UACA: variants seen among roughly 807,000 people sequenced by gnomAD.
UACA encodes nuclear membrane binding protein.
UACA carries 112 observed loss-of-function variants against 160.5 expected under a neutral mutation model. That is an observed-to-expected ratio of 0.70 (90% CI 0.60 to 0.82). The LOEUF (loss-of-function observed/expected upper bound fraction) is 0.82, where lower values mean the gene tolerates loss of function less well. Ranked by LOEUF, UACA falls within the 40% of genes least tolerant of loss-of-function variation. The pLI, the probability that UACA is intolerant of heterozygous loss-of-function variation, is 0.00. For synonymous variants in UACA, 557 were observed against 568.4 expected, an observed-to-expected ratio of 0.98 and a Z score of 0.29; for missense variants, 1,574 against 1,614.6, an observed-to-expected ratio of 0.97 and a Z score of 0.43.
chr15:70,728,920 A>G (rs1899231167), intron 1 of UACA, among the ~76,000 whole-genome samples: 1 of 152,256 alleles, frequency 6.6e-6, no homozygotes, highest in Non-Finnish European at 1.5e-5. Context: ...ACAAGTGGCC[A>G]CCAAGCATAT....
intron 1 of UACA, among the ~76,000 whole-genome samples, chr15:70,731,049 TA>T: frequency 2.6e-5 from 1 of 38,962 alleles, no homozygotes; most frequent in Non-Finnish European, 4.4e-5. Flanking sequence ...TGCCAAAATG[TA>T]AAGACCATTG....
At chr15:70,778,623 T>A in the UACA span, among the ~76,000 whole-genome samples, 1 of 152,210 alleles carries the variant, frequency 6.6e-6, no homozygotes. Context: ...CATGTCAAAG[T>A]CCTTAATTTA....
At chr15:70,720,211 C>G (rs1898949111) in intron 1 of UACA, among the ~76,000 whole-genome samples, 1 of 152,186 alleles carries the variant, frequency 6.6e-6, no homozygotes. Context: ...TCTCCAGAAG[C>G]AAATGCCACT....
At position 70,702,150 on chromosome 15, in the gene UACA, G is replaced by A. The variant is rs1898388531; in HGVS notation, c.79-2490C>T. The A allele has an allele frequency of 1.6e-6, 2 of 1,284,096 alleles. 1 individual carries two copies. The allele number at this position is 1,284,096 out of a possible 1,614,324, so 79.5% of individuals were successfully genotyped here. On this transcript the variant is annotated intron_variant, in intron 1 of 18. Coordinates refer to ENST00000322954, the MANE Select transcript of UACA (RefSeq NM_018003.4). ...CTTGCAATGCAGAACTTGATTAAGA[G>A]CAGCCCCAAGTCAGGTACAGTAACT...
chr15:70,699,746 C>T, intron 1 of UACA, 86 bp from the exon 2 acceptor site: 3 of 1,464,110 alleles, frequency 2.0e-6, no homozygotes, highest in South Asian at 2.5e-5. Flanking sequence ...GAAAGGAAAG[C>T]AGTACTGCAT....
chr15:70,724,124 T>G (rs999794266), intron 1 of UACA, among the ~76,000 whole-genome samples: 2 of 152,226 alleles, frequency 1.3e-5, no homozygotes, highest in African/African-American at 4.8e-5. Context: ...AAGGAGTACA[T>G]GTTCGAGCTT....
intron 2 of UACA, among the ~76,000 whole-genome samples, chr15:70,697,496 G>C (rs569762846): frequency 9.2e-5 from 14 of 152,316 alleles, no homozygotes; most frequent in African/African-American, 3.4e-4. Context: ...GATCCTTGTG[G>C]TAACTATGGC....
intron 1 of UACA, among the ~76,000 whole-genome samples, chr15:70,712,777 G>A (rs887041721): frequency 1.3e-5 from 2 of 152,088 alleles, no homozygotes; most frequent in Non-Finnish European, 2.9e-5. Flanking sequence ...CTTGTCCAGT[G>A]CTCTTTGTAC....
At chr15:70,694,057 G>A (rs1229668062) in intron 3 of UACA, among the ~76,000 whole-genome samples, 1 of 151,976 alleles carries the variant, frequency 6.6e-6, no homozygotes, top group Non-Finnish European at 1.5e-5. Context: ...GTATTTATTT[G>A]CCCCTACATG....
chr15:70,749,087 C>T (rs1380486455), intron 1 of UACA: 1 of 198,672 alleles, frequency 5.0e-6, no homozygotes, highest in African/African-American at 2.4e-5. Flanking sequence ...AGTGAGTGTG[C>T]ATTTATTATG....
intron 1 of UACA, among the ~76,000 whole-genome samples, chr15:70,757,953 CATT>C (rs1320263810): frequency 6.6e-6 from 1 of 152,192 alleles, no homozygotes; most frequent in African/African-American, 2.4e-5. Context: ...CTAATTAATC[CATT>C]ATTGAGCCTA....
chr15:70,725,580 T>C (rs1159427743), intron 1 of UACA, among the ~76,000 whole-genome samples: 1 of 152,266 alleles, frequency 6.6e-6, no homozygotes, highest in Non-Finnish European at 1.5e-5. Flanking sequence ...ACTTTCACAG[T>C]GTCCTTCTAA....
intron 10 of UACA, among the ~76,000 whole-genome samples, chr15:70,678,728 A>C (rs924916952): frequency 3.3e-5 from 5 of 152,220 alleles, no homozygotes; most frequent in Admixed American, 2.0e-4. Flanking sequence ...ACGGTGTTTC[A>C]GTCATAAAAT....
Position 70,668,634 on chromosome 15 carries a change from G to A in UACA, c.2050C>T (p.Pro684Ser). The change falls in exon 16 of 19, where the codon CCA (proline) becomes TCA (serine). Residue 684 changes from proline (P) to serine (S), a missense_variant. Coordinates refer to ENST00000322954, the MANE Select transcript of UACA (RefSeq NM_018003.4). Reference sequence around the variant, plus strand: ...CTCTTAACCTGTTCATGTTCCTCTGGTTTGACGTGCTGAGCAAGCTTGGCC... The same window carrying A: ...CTCTTAACCTGTTCATGTTCCTCTGATTTGACGTGCTGAGCAAGCTTGGCC... ...VKAKLAQHVKPEEHEQVKSRL... is the reference protein window; with the variant it reads ...VKAKLAQHVKSEEHEQVKSRL... 6 of 1,613,842 alleles carry A rather than the reference G, an allele frequency of 3.7e-6. No homozygotes were observed. The highest frequency in any genetic ancestry group is 5.1e-6 in the Non-Finnish European group (6 of 1,179,960).
At chr15:70,724,647 G>T (rs1464794840) in intron 1 of UACA, among the ~76,000 whole-genome samples, 1 of 152,060 alleles carries the variant, frequency 6.6e-6, no homozygotes, top group East Asian at 1.9e-4. Flanking sequence ...TCCTTGGAAG[G>T]TATGCACTGA....
intron 17 of UACA, among the ~76,000 whole-genome samples, chr15:70,662,920 C>T (rs1254414671): frequency 6.6e-6 from 1 of 151,712 alleles, no homozygotes; most frequent in Non-Finnish European, 1.5e-5. Context: ...TAGAAGAAAA[C>T]CTAGGCAATA....
intron 1 of UACA, among the ~76,000 whole-genome samples, chr15:70,762,044 CTTTT>C (rs200284571): frequency 4.0e-5 from 6 of 151,888 alleles, no homozygotes; most frequent in Non-Finnish European, 5.9e-5. Flanking sequence ...CTGCCAGTTA[CTTTT>C]TTTAAAAAAA....
intron 10 of UACA, among the ~76,000 whole-genome samples, 167 bp downstream of exon 10, chr15:70,679,441 G>A (rs957418872): frequency 8.2e-5 from 5 of 61,054 alleles, no homozygotes; most frequent in Middle Eastern, 0.011. Context: ...TAAATAAATA[G>A]AAGAGATTAG....
At chr15:70,658,212 T>A (rs1896554457) in intron 18 of UACA, among the ~76,000 whole-genome samples, 1 of 152,254 alleles carries the variant, frequency 6.6e-6, no homozygotes. Flanking sequence ...CAGAAATCTT[T>A]CCCTTGAGCT....
Sources: allele counts gnomAD v4.1 joint callset (sites outside exome capture counted in the v4.1 genomes callset), GRCh38; gene constraint gnomAD v4.1.1; transcripts MANE v1.5; gene names NCBI Gene and HGNC (gene_info 2026-07-23, HGNC 2026-07-21).